Variants in RSPO3 observed in about 807,000 individuals in gnomAD.
RSPO3 encodes R-spondin-3.
A neutral mutation model predicts 36.5 loss-of-function variants in RSPO3; 17 were observed. The ratio of observed to expected loss-of-function variants is 0.47; its 90% confidence interval spans 0.32 to 0.70. The LOEUF (loss-of-function observed/expected upper bound fraction) is 0.70, where lower values mean the gene tolerates loss of function less well. Ranked by LOEUF, RSPO3 falls within the 30% of genes least tolerant of loss-of-function variation. The pLI is 0.04. For synonymous variants in RSPO3, 108 were observed against 107.0 expected (o/e 1.01, Z -0.06); for missense variants, 294 against 322.5 (o/e 0.91, Z 0.68).
chr6:127,130,432 A>T (rs2114547373), intron 1 of RSPO3, among the ~76,000 whole-genome samples: 1 of 152,210 alleles, frequency 6.6e-6, no homozygotes, highest in African/African-American at 2.4e-5. Flanking sequence ...GCTTATTTTA[A>T]ATCTACAAAC....
In RSPO3 at chr6:127,155,409, A is replaced by C; in HGVS notation, c.605A>C (p.Gln202Pro). ...PTNETRKCTVQRKKCQKGERG... is the reference protein window; with the variant it reads ...PTNETRKCTVPRKKCQKGERG... ...AATGAGACAAGAAAGTGTACAGTGCAAAGGAAGAAGTGTCAGAAGGGAGAA... is the reference window on the plus strand; with the variant it reads ...AATGAGACAAGAAAGTGTACAGTGCCAAGGAAGAAGTGTCAGAAGGGAGAA... Residue 202 changes from glutamine (Q) to proline (P), a missense_variant, in exon 4 of 5, where the codon CAA becomes CCA. By Grantham distance (76) the Gln-to-Pro change is moderately conservative. Around this residue, in one of 3 missense-constraint regions of RSPO3, gnomAD observed 190 missense variants for 185.2 expected, o/e 1.03. Transcript: ENST00000356698. 1 of 1,613,722 alleles carries C rather than the reference A, an allele frequency of 6.2e-7. No homozygotes were observed. Among genetic ancestry groups the C allele is most frequent in the Non-Finnish European group, 8.5e-7 (1 of 1,179,792 alleles).
intron 1 of RSPO3, among the ~76,000 whole-genome samples, chr6:127,139,668 G>T (rs1774230690): frequency 6.6e-6 from 1 of 151,820 alleles, no homozygotes. Context: ...GATTCCCACT[G>T]TTGGATGAAC....
intron 4 of RSPO3, among the ~76,000 whole-genome samples, chr6:127,167,143 T>C (rs1032915329): frequency 6.6e-6 from 1 of 152,036 alleles, no homozygotes; most frequent in African/African-American, 2.4e-5. Context: ...ACTTTTATTT[T>C]AAGTTCCGGG....
chr6:127,161,875 G>A (rs1434102821), intron 4 of RSPO3, among the ~76,000 whole-genome samples: 1 of 152,108 alleles, frequency 6.6e-6, no homozygotes, highest in African/African-American at 2.4e-5. Flanking sequence ...TAGGTCTGGT[G>A]CACGAGGATT....
At chr6:127,145,982 T>A (rs1774374782) in intron 1 of RSPO3, among the ~76,000 whole-genome samples, 1 of 152,138 alleles carries the variant, frequency 6.6e-6, no homozygotes, top group Non-Finnish European at 1.5e-5. Flanking sequence ...TACTTAGTTG[T>A]GTAATACTGA....
intron 1 of RSPO3, among the ~76,000 whole-genome samples, chr6:127,133,159 A>G (rs1774090015): frequency 3.3e-5 from 5 of 152,120 alleles, no homozygotes; most frequent in Admixed American, 2.6e-4. Flanking sequence ...AACATATGCA[A>G]TGGAACTTTA....
At chr6:127,158,390 C>T (rs1487396140) in intron 4 of RSPO3, among the ~76,000 whole-genome samples, 1 of 152,006 alleles carries the variant, frequency 6.6e-6, no homozygotes, top group Non-Finnish European at 1.5e-5. Flanking sequence ...TAAGGCTTTT[C>T]TTATGAATTT....
chr6:127,187,256 C>A (rs1174466758), intron 4 of RSPO3, among the ~76,000 whole-genome samples: 1 of 152,102 alleles, frequency 6.6e-6, no homozygotes, highest in Admixed American at 6.6e-5. Flanking sequence ...TGTTGTTAGG[C>A]AGGCTTTAAT....
chr6:127,188,934 T>C (rs907014820), intron 4 of RSPO3, among the ~76,000 whole-genome samples: 2 of 152,106 alleles, frequency 1.3e-5, no homozygotes, highest in Non-Finnish European at 2.9e-5. Flanking sequence ...TTGTGCTCTA[T>C]TGAGAAATAA....
At chr6:127,167,071 G>A (rs1028234126) in intron 4 of RSPO3, among the ~76,000 whole-genome samples, 12 of 151,870 alleles carry the variant, frequency 7.9e-5, no homozygotes, top group Non-Finnish European at 1.5e-4. Context: ...TGACTATAAT[G>A]TGTTTTGCTT....
In RSPO3 at chr6:127,119,102, C is replaced by T. The variant is rs1331834764; in HGVS notation, c.-91C>T. 4 of 1,005,432 alleles carry T rather than the reference C, an allele frequency of 4.0e-6. No individual in the cohort carries two copies. Among genetic ancestry groups the T allele is most frequent in the East Asian group, 5.0e-5 (2 of 39,676 alleles). The allele number at this position is 1,005,432 out of a possible 1,614,324, so 62.3% of individuals were successfully genotyped here. A position where few individuals can be genotyped will look rare whatever the true frequency, so the allele number is the denominator to read the frequency against. On this transcript the variant is annotated 5_prime_UTR_variant, in exon 1 of 5. In the 5' UTR this introduces an upstream ATG that the reference lacks. Transcript: ENST00000356698. Reference sequence around the variant, plus strand: ...CCGCTGCTCGGGCACTGTCTATATACGCCTAACACCTACATATATTTTAAA... The same window carrying T: ...CCGCTGCTCGGGCACTGTCTATATATGCCTAACACCTACATATATTTTAAA...
At chr6:127,157,654 T>C (rs1468154773) in intron 4 of RSPO3, among the ~76,000 whole-genome samples, 1 of 152,064 alleles carries the variant, frequency 6.6e-6, no homozygotes, top group Non-Finnish European at 1.5e-5. Flanking sequence ...GGTGTTTTAT[T>C]TTTTCAAATT....
intron 4 of RSPO3, among the ~76,000 whole-genome samples, chr6:127,184,714 TAA>T (rs1775256056): frequency 6.6e-6 from 1 of 152,038 alleles, no homozygotes; most frequent in East Asian, 1.9e-4. Context: ...AAGAAAAAGT[TAA>T]AAGTCATATA....
chr6:127,176,525 A>G (rs745524871), intron 4 of RSPO3, among the ~76,000 whole-genome samples: 1 of 151,568 alleles, frequency 6.6e-6, no homozygotes, highest in Non-Finnish European at 1.5e-5. Context: ...TGGTTAGGTC[A>G]GCTATTTTCC....
At chr6:127,186,853 T>C (rs988267474) in intron 4 of RSPO3, among the ~76,000 whole-genome samples, 3 of 152,170 alleles carry the variant, frequency 2.0e-5, no homozygotes, top group African/African-American at 7.2e-5. Context: ...GTCTGAATTA[T>C]AATTGTGTAT....
At chr6:127,148,375 A>T (rs1774427366) in intron 1 of RSPO3, among the ~76,000 whole-genome samples, 1 of 151,482 alleles carries the variant, frequency 6.6e-6, no homozygotes, top group South Asian at 2.1e-4. Flanking sequence ...TGATAAAGAG[A>T]CTATGTATAC....
chr6:127,149,658 G>GT (rs1251192680), intron 2 of RSPO3, among the ~76,000 whole-genome samples: 5 of 151,804 alleles, frequency 3.3e-5, no homozygotes, highest in East Asian at 1.9e-4. Context: ...ATTTGCTGTT[G>GT]TTTTTTTGTT....
chr6:127,156,400 C>G (rs913232685), intron 4 of RSPO3, among the ~76,000 whole-genome samples: 44 of 152,120 alleles, frequency 2.9e-4, no homozygotes, highest in African/African-American at 1.0e-3. Context: ...TTTAAAATAT[C>G]ATTTTTCTAT....
At chr6:127,137,065 G>A (rs1355233181) in intron 1 of RSPO3, among the ~76,000 whole-genome samples, 1 of 152,128 alleles carries the variant, frequency 6.6e-6, no homozygotes, top group East Asian at 1.9e-4. Flanking sequence ...GAGAGAAATG[G>A]TTGAGTTTTG....
Sources: allele counts gnomAD v4.1 joint callset (sites outside exome capture counted in the v4.1 genomes callset), GRCh38; gene constraint gnomAD v4.1.1; regional missense constraint gnomAD v4.1.1; transcripts MANE v1.5; gene names NCBI Gene and HGNC (gene_info 2026-07-23, HGNC 2026-07-21).